ANO6: variants seen among roughly 807,000 people sequenced by gnomAD.
The protein encoded by ANO6 is anoctamin-6.
Under a neutral mutation model 117.5 loss-of-function variants are expected in ANO6, and 106 were observed. The observed-to-expected ratio is 0.90, with a 90% confidence interval of 0.77 to 1.06. The LOEUF is 1.06. ANO6 is among the 50% of genes least tolerant of loss of function. The probability of loss-of-function intolerance (pLI) is 0.00; values close to 1 mark genes in which losing one functional copy is unlikely to be tolerated. For missense variants in ANO6, 955 were observed against 1,121.1 expected (o/e 0.85, Z 2.12); for synonymous variants, 367 against 385.1 (o/e 0.95, Z 0.55).
chr12:45,413,522 G>A (rs904591128), intron 16 of ANO6, among the ~76,000 whole-genome samples: 5 of 152,226 alleles, frequency 3.3e-5, no homozygotes, highest in African/African-American at 9.6e-5. Flanking sequence ...GTGAGGCCAC[G>A]AGGGTGAATC....
intron 1 of ANO6, among the ~76,000 whole-genome samples, chr12:45,298,170 CAT>C (rs755108719): frequency 8.0e-4 from 122 of 152,244 alleles, no homozygotes; most frequent in Non-Finnish European, 2.8e-4. Context: ...GAACAGATAA[CAT>C]AGAGGTCTCA....
intron 8 of ANO6, among the ~76,000 whole-genome samples, chr12:45,365,334 T>G (rs975484976): frequency 6.6e-6 from 1 of 152,256 alleles, no homozygotes; most frequent in Non-Finnish European, 1.5e-5. Flanking sequence ...CAGGAATATG[T>G]TGGAGCTTTT....
At chr12:45,436,192 A>G (rs1038655948), downstream of ANO6, among the ~76,000 whole-genome samples, 2 of 151,980 alleles carry the variant, frequency 1.3e-5, no homozygotes, top group Admixed American at 1.3e-4. Flanking sequence ...TGCCCCCCTA[A>G]CCATAACATA....
intron 2 of ANO6, among the ~76,000 whole-genome samples, chr12:45,318,473 A>C (rs1228484170): frequency 1.3e-5 from 2 of 152,170 alleles, no homozygotes; most frequent in Middle Eastern, 6.8e-3. Context: ...GTTCTGTTCC[A>C]TTGGTCGATA....
chr12:45,398,567 AT>A, intron 12 of ANO6, among the ~76,000 whole-genome samples: 1 of 152,138 alleles, frequency 6.6e-6, no homozygotes, highest in Non-Finnish European at 1.5e-5. Flanking sequence ...TAAAAGTAAG[AT>A]TTTTTCACAT....
intron 1 of ANO6, among the ~76,000 whole-genome samples, chr12:45,255,395 C>T (rs375905443): frequency 3.9e-5 from 6 of 152,160 alleles, no homozygotes; most frequent in South Asian, 2.1e-4. Flanking sequence ...CCCAGCTACT[C>T]GGGAGGCTGA....
At chr12:45,332,552 A>G (rs1940702633) in intron 3 of ANO6, among the ~76,000 whole-genome samples, 1 of 152,058 alleles carries the variant, frequency 6.6e-6, no homozygotes, top group African/African-American at 2.4e-5. Context: ...CTGACCTTCA[A>G]GTTCTAATTC....
intron 7 of ANO6, among the ~76,000 whole-genome samples, chr12:45,355,599 C>T (rs771950455): frequency 3.5e-4 from 54 of 152,198 alleles, no homozygotes; most frequent in Non-Finnish European, 4.9e-4. Context: ...ACTTCTCTCC[C>T]GGGCTGTATC....
chr12:45,385,715 G>A (rs2137568395), intron 10 of ANO6, among the ~76,000 whole-genome samples: 1 of 152,204 alleles, frequency 6.6e-6, no homozygotes, highest in Middle Eastern at 3.4e-3. Flanking sequence ...ATTTCCCCTT[G>A]GGCAGGTACA....
At chr12:45,329,883 A>G (rs1940604224) in intron 2 of ANO6, among the ~76,000 whole-genome samples, 1 of 152,156 alleles carries the variant, frequency 6.6e-6, no homozygotes, top group African/African-American at 2.4e-5. Flanking sequence ...CTGAAATGAA[A>G]AAGACATGGC....
At chr12:45,256,297 T>C (rs767676300) in intron 1 of ANO6, among the ~76,000 whole-genome samples, 2 of 152,200 alleles carry the variant, frequency 1.3e-5, no homozygotes, top group Non-Finnish European at 2.9e-5. Flanking sequence ...GCCACAGTAA[T>C]CATTTAAGAT....
At chr12:45,225,156 C>T (rs944527075) in intron 1 of ANO6, among the ~76,000 whole-genome samples, 1 of 148,532 alleles carries the variant, frequency 6.7e-6, no homozygotes, top group African/African-American at 2.5e-5. Flanking sequence ...CCACTGCAGT[C>T]CAGCCTGGGC....
intron 1 of ANO6, among the ~76,000 whole-genome samples, chr12:45,223,239 G>A (rs1417910586): frequency 3.9e-5 from 6 of 152,160 alleles, no homozygotes; most frequent in Admixed American, 3.9e-4. Flanking sequence ...AAAATGACCC[G>A]GGGCTTGTGA....
intron 2 of ANO6, among the ~76,000 whole-genome samples, chr12:45,324,371 T>C (rs1021450764): frequency 6.6e-6 from 1 of 152,230 alleles, no homozygotes. Context: ...GTAATATCTA[T>C]ATAAAACATG....
chr12:45,236,599 G>A (rs1180502101), intron 1 of ANO6, among the ~76,000 whole-genome samples: 2 of 152,188 alleles, frequency 1.3e-5, no homozygotes, highest in South Asian at 4.1e-4. Context: ...CGGTGTATAT[G>A]TGCCACATTT....
intron 2 of ANO6, among the ~76,000 whole-genome samples, chr12:45,328,641 A>G (rs530334043): frequency 3.8e-4 from 58 of 152,282 alleles, no homozygotes; most frequent in African/African-American, 1.3e-3. Flanking sequence ...TATTTACGTA[A>G]AGGCTTTTGC....
intron 2 of ANO6, among the ~76,000 whole-genome samples, chr12:45,303,200 A>G (rs1232666188): frequency 1.3e-5 from 2 of 152,334 alleles, no homozygotes; most frequent in African/African-American, 4.8e-5. Flanking sequence ...AATCACCTGG[A>G]TATAATAGAA....
chr12:45,402,889 A>G (rs1437117766), intron 13 of ANO6, among the ~76,000 whole-genome samples, 183 bp from the exon 14 acceptor site: 2 of 152,194 alleles, frequency 1.3e-5, no homozygotes, highest in African/African-American at 4.8e-5. Context: ...ACTCATAACA[A>G]TGTGCAAACT....
intron 1 of ANO6, among the ~76,000 whole-genome samples, chr12:45,233,638 T>C (rs923094354): frequency 6.6e-6 from 1 of 152,228 alleles, no homozygotes; most frequent in Non-Finnish European, 1.5e-5. Flanking sequence ...AGTGATATTT[T>C]TGGTTAACAT....
Sources: allele counts gnomAD v4.1 joint callset (sites outside exome capture counted in the v4.1 genomes callset), GRCh38; gene constraint gnomAD v4.1.1; transcripts MANE v1.5; gene names NCBI Gene and HGNC (gene_info 2026-07-23, HGNC 2026-07-21).